DAB2IP: variants seen among roughly 807,000 people sequenced by gnomAD.
DAB2IP encodes disabled homolog 2-interacting protein.
In DAB2IP, 28 loss-of-function variants were observed where a neutral mutation model predicts 107.2. The observed-to-expected ratio is 0.26, with a 90% CI of 0.19 to 0.36. DAB2IP has a LOEUF of 0.36. Ranked by LOEUF, DAB2IP falls within the 10% of genes least tolerant of loss-of-function variation. The pLI is 1.00. For missense variants in DAB2IP, 1,400 were observed against 1,644.7 expected (o/e 0.85, Z 2.57); for synonymous variants, 755 against 706.4 (o/e 1.07, Z -1.09).
rs113231608 is a variant in DAB2IP, at chr9:121,655,114, T to TG, written c.124+3221dup. On this transcript the variant is annotated intron_variant, in intron 1 of 15. Coordinates refer to ENST00000408936, the Ensembl canonical transcript of DAB2IP. Reference sequence around the variant, plus strand: ...ATGGGCAGAGTGAGACCTGCTGTGGTGGGGGGTAGAGCACGAAGCTGGAGG... The same window carrying TG: ...ATGGGCAGAGTGAGACCTGCTGTGGTGGGGGGGTAGAGCACGAAGCTGGAGG... 5.4e-3 allele frequency among the ~76,000 whole-genome samples: 821 copies of TG among 151,966 alleles called. 9 individuals carry two copies. The highest frequency in any genetic ancestry group is 0.017 in the African/African-American group (717 of 41,448).
In DAB2IP at chr9:121,736,709, T is replaced by C. The variant is rs1831953054; in HGVS notation, c.363-20304T>C. Among the ~76,000 whole-genome samples, 1 of 152,240 alleles carries C rather than the reference T, an allele frequency of 6.6e-6. No individual in the cohort carries two copies. The highest frequency in any genetic ancestry group is 1.5e-5 in the Non-Finnish European group (1 of 68,036). On this transcript the variant is annotated intron_variant, in intron 3 of 15. Coordinates refer to ENST00000408936, the Ensembl canonical transcript of DAB2IP. This position sits in a 1 kb window ranked among gnomAD's most constrained non-coding sequence, Gnocchi z 4.6. ...CCCCCAAATCTTTTGGTTCCCCCGC[T>C]CCTGCCTTCCACTGCTCTGGCTGAC...
chr9:121,723,572 A>T (rs550821367), intron 3 of DAB2IP, among the ~76,000 whole-genome samples: 76 of 152,276 alleles, frequency 5.0e-4, no homozygotes, highest in Non-Finnish European at 8.5e-4. Flanking sequence ...GATTGGGAGG[A>T]ACTCTCCCCA....
intron 14 of DAB2IP, among the ~76,000 whole-genome samples, chr9:121,777,628 A>G (rs1835296587): frequency 2.0e-5 from 3 of 152,240 alleles, no homozygotes; most frequent in Admixed American, 1.3e-4. Flanking sequence ...AGTTAGGTAG[A>G]TAGTGTTCAA....
At chr9:121,714,442 G>C (rs1830488216) in intron 3 of DAB2IP, among the ~76,000 whole-genome samples, 3 of 152,348 alleles carry the variant, frequency 2.0e-5, no homozygotes, top group Admixed American at 2.0e-4. Flanking sequence ...GCCGAGTCCT[G>C]AGCAGCAGGG....
chr9:121,716,193 C>G (rs1400161042), intron 3 of DAB2IP, among the ~76,000 whole-genome samples: 1 of 152,184 alleles, frequency 6.6e-6, no homozygotes, highest in Non-Finnish European at 1.5e-5. Flanking sequence ...GGTCACAGGC[C>G]TCCAAGGGAT....
intron 3 of DAB2IP, among the ~76,000 whole-genome samples, chr9:121,743,252 G>T (rs564530575): frequency 6.6e-6 from 1 of 152,318 alleles, no homozygotes; most frequent in East Asian, 1.9e-4. Context: ...CCAGCACATA[G>T]TGCCCAAAGA....
rs139479157 is a variant in DAB2IP at position 121,573,035 on chromosome 9, A to G, written c.40+5807A>G. On this transcript the variant is annotated intron_variant, in intron 1 of 16. Coordinates refer to the DAB2IP transcript ENST00000259371. ...TGGTAAGCACCTACTCCATGCCAGG[A>G]TCCAAAGACACTTTATCTACACTGT... is the stretch of plus-strand genomic sequence containing the variant. 5.6e-4 allele frequency among the ~76,000 whole-genome samples: 85 copies of G among 152,232 alleles called. 3 individuals carry two copies. The highest frequency in any genetic ancestry group is 2.0e-3 in the African/African-American group (84 of 41,490).
chr9:121,781,502 C>G, exon 15 of DAB2IP: 2 of 1,614,080 alleles, frequency 1.2e-6, no homozygotes, highest in Non-Finnish European at 1.7e-6. Context: ...AAGGACCACG[C>G]AGAGATGCAA....
chr9:121,617,554 G>A (rs1286497561), intron 1 of DAB2IP, among the ~76,000 whole-genome samples: 1 of 152,220 alleles, frequency 6.6e-6, no homozygotes, highest in Non-Finnish European at 1.5e-5. Flanking sequence ...CCAAGGGAAA[G>A]GAACCTGTGG....
chr9:121,656,054 G>C (rs189880370), intron 1 of DAB2IP, among the ~76,000 whole-genome samples: 2 of 151,488 alleles, frequency 1.3e-5, no homozygotes, highest in East Asian at 3.9e-4. Context: ...TGTTACCCAG[G>C]CTGGAGTGCA....
At position 121,698,769 on chromosome 9, in the gene DAB2IP, T is replaced by C. The variant is rs573783296; in HGVS notation, c.229-556T>C. On this transcript the variant is annotated intron_variant, in intron 2 of 15. Transcript: ENST00000408936. This position sits in a 1 kb window ranked among gnomAD's most constrained non-coding sequence, Gnocchi z 4.1. ...GCCTCAGCCGACCACGCGCCCGCTC[T>C]CATCGGTACCACCGAGGGCTGGAGA... 1.4e-4 allele frequency among the ~76,000 whole-genome samples: 22 copies of C among 152,236 alleles called. No individual in the cohort carries two copies. The East Asian group carries it at 3.5e-3, about 24-fold the overall frequency.
rs1484879560 is a variant in DAB2IP, at chr9:121,699,306, C to T, written c.229-19C>T. On this transcript the variant is annotated intron_variant, in intron 2 of 15. Coordinates refer to ENST00000408936, the Ensembl canonical transcript of DAB2IP. This position sits in a 1 kb window ranked among gnomAD's most constrained non-coding sequence, Gnocchi z 6.2. ...GCTAACCCCGCCTCCCCTTCCCCCTCTTGTCCCCCCGTGCGCAGGGCTTCC... is the reference window on the plus strand; with the variant it reads ...GCTAACCCCGCCTCCCCTTCCCCCTTTTGTCCCCCCGTGCGCAGGGCTTCC... 5 of 1,412,536 alleles carry T rather than the reference C, an allele frequency of 3.5e-6. No individual in the cohort carries two copies. Among genetic ancestry groups the T allele is most frequent in the Non-Finnish European group, 2.8e-6 (3 of 1,066,622 alleles). The allele number at this position is 1,412,536 out of a possible 1,614,324, so 87.5% of individuals were successfully genotyped here. A position where few individuals can be genotyped will look rare whatever the true frequency, so the allele number is the denominator to read the frequency against.
chr9:121,709,362 C>T (rs1830221130), intron 3 of DAB2IP, among the ~76,000 whole-genome samples: 2 of 151,952 alleles, frequency 1.3e-5, no homozygotes, highest in East Asian at 3.9e-4. Context: ...CTGTGATAGC[C>T]CCACCCACTG....
chr9:121,627,183 A>G (rs1389828837), intron 1 of DAB2IP, among the ~76,000 whole-genome samples: 1 of 151,778 alleles, frequency 6.6e-6, no homozygotes, highest in African/African-American at 2.4e-5. Context: ...ATATGTAAGA[A>G]TCTATCCACC....
intron 1 of DAB2IP, among the ~76,000 whole-genome samples, chr9:121,592,981 A>T (rs1289909021): frequency 6.6e-6 from 1 of 152,174 alleles, no homozygotes; most frequent in Non-Finnish European, 1.5e-5. Context: ...AAAGGACAGG[A>T]GGAAAGAGCC....
At chr9:121,768,107 G>A (rs541385147) in intron 9 of DAB2IP, among the ~76,000 whole-genome samples, 3 of 152,286 alleles carry the variant, frequency 2.0e-5, no homozygotes, top group East Asian at 3.9e-4. Context: ...GGGAGACCTG[G>A]GTTGAGCAGG....
exon 16 of DAB2IP, chr9:121,785,096 T>C (rs1247005970): frequency 6.6e-6 from 1 of 152,614 alleles, no homozygotes; most frequent in African/African-American, 2.4e-5. Context: ...TTCCATGTTC[T>C]GGGTGATGGA....
intron 1 of DAB2IP, among the ~76,000 whole-genome samples, chr9:121,653,923 G>GGA (rs1199885354): frequency 6.6e-6 from 1 of 152,214 alleles, no homozygotes; most frequent in Non-Finnish European, 1.5e-5. Context: ...GGGAGATCAG[G>GGA]GAGAGCTTCA....
chr9:121,637,617 A>ACCT (rs1832134866), intron 1 of DAB2IP, among the ~76,000 whole-genome samples: 1 of 152,166 alleles, frequency 6.6e-6, no homozygotes, highest in South Asian at 2.1e-4. Context: ...TTAGCCCCTG[A>ACCT]GTAGGAGGCT....
Sources: allele counts gnomAD v4.1 joint callset (sites outside exome capture counted in the v4.1 genomes callset), GRCh38; gene constraint gnomAD v4.1.1; non-coding constraint Gnocchi (gnomAD v3.1); transcripts MANE v1.5; gene names NCBI Gene and HGNC (gene_info 2026-07-23, HGNC 2026-07-21).